The following ADCYAP1R1 variants were observed in gnomAD, a reference collection of about 807,000 sequenced individuals.
ADCYAP1R1 encodes the protein ADCYAP receptor type I, also known as pituitary adenylate cyclase-activating polypeptide type I receptor.
ADCYAP1R1 carries 44 observed loss-of-function variants against 67.6 expected under a neutral mutation model. The ratio of observed to expected loss-of-function variants is 0.65; its 90% CI spans 0.51 to 0.84. The LOEUF (loss-of-function observed/expected upper bound fraction) is 0.84. Among genes scored for constraint, ADCYAP1R1 ranks in the 40% least tolerant of loss-of-function variants. The probability of loss-of-function intolerance (pLI) is 0.00; values close to 1 mark genes in which losing one functional copy is unlikely to be tolerated. For missense variants in ADCYAP1R1, 477 were observed against 587.9 expected, an observed-to-expected ratio of 0.81 and a Z score of 1.95; for synonymous variants, 222 against 219.6, an observed-to-expected ratio of 1.01 and a Z score of -0.10.
chr7:31,070,722 C>A (rs867301726), intron 3 of ADCYAP1R1, among the ~76,000 whole-genome samples: 5 of 152,202 alleles, frequency 3.3e-5, no homozygotes, highest in Non-Finnish European at 7.4e-5. Context: ...CTTGTGTCTT[C>A]GTGAAGTCTG....
At chr7:31,061,028 C>T (rs1794479180) in intron 1 of ADCYAP1R1, among the ~76,000 whole-genome samples, 1 of 152,276 alleles carries the variant, frequency 6.6e-6, no homozygotes, top group East Asian at 1.9e-4. Flanking sequence ...ATACTGGGGT[C>T]AGAGGTTAGG....
chr7:31,086,462 T>C lies in ADCYAP1R1; in HGVS notation c.748T>C (p.Tyr250His). ...CTTCTGGCTGTTCATCGAGGGCCTGTACCTCTTCACTCTGCTGGTGGAGAC... is the reference window on the plus strand; with the variant it reads ...CTTCTGGCTGTTCATCGAGGGCCTGCACCTCTTCACTCTGCTGGTGGAGAC... ...NYFWLFIEGL[Y>H]LFTLLVETFF... Residue 250 changes from tyrosine to histidine, a missense_variant, in exon 10 of 16, where the codon TAC (tyrosine) becomes CAC (histidine). Tyr to His is a moderately conservative substitution (Grantham distance 83). Transcript: ENST00000304166. The surrounding 1 kb of genome is among the most constrained non-coding windows in gnomAD (Gnocchi z 5.0). 3.1e-6 allele frequency: 5 copies of C among 1,614,240 alleles called. No individual in the cohort carries two copies. Among genetic ancestry groups the C allele is most frequent in the Non-Finnish European group, 4.2e-6 (5 of 1,180,048 alleles).
chr7:31,088,565 A>C (rs1001282515), intron 12 of ADCYAP1R1, among the ~76,000 whole-genome samples: 3 of 152,186 alleles, frequency 2.0e-5, no homozygotes, highest in Non-Finnish European at 4.4e-5. Context: ...GTCTGAAATG[A>C]TATTCAATTT....
At chr7:31,099,291 C>T (rs1796338861) in intron 13 of ADCYAP1R1, among the ~76,000 whole-genome samples, 3 of 152,216 alleles carry the variant, frequency 2.0e-5, no homozygotes, top group Non-Finnish European at 4.4e-5. Context: ...AAGTCCAGCC[C>T]AACACTGTCC....
intron 3 of ADCYAP1R1, among the ~76,000 whole-genome samples, chr7:31,074,907 A>C (rs1336122810): frequency 6.6e-6 from 1 of 152,178 alleles, no homozygotes; most frequent in East Asian, 1.9e-4. Flanking sequence ...TCTTTCCATG[A>C]GCAGGATGCT....
At chr7:31,094,150 T>A (rs1438507317) in intron 13 of ADCYAP1R1, among the ~76,000 whole-genome samples, 1 of 152,232 alleles carries the variant, frequency 6.6e-6, no homozygotes, top group Non-Finnish European at 1.5e-5. Flanking sequence ...TTTACTGTTT[T>A]TTCTTTCATG....
At chr7:31,092,759 A>G (rs552146006) in intron 13 of ADCYAP1R1, 24 bp downstream of exon 13, 1 of 1,575,702 alleles carries the variant, frequency 6.3e-7, no homozygotes, top group African/African-American at 1.4e-5. Flanking sequence ...TGTGGCTGCC[A>G]CAGCCATTTC....
At chr7:31,087,260 GTC>G (rs1407353762) in intron 11 of ADCYAP1R1, among the ~76,000 whole-genome samples, 2 of 152,196 alleles carry the variant, frequency 1.3e-5, no homozygotes, top group Non-Finnish European at 2.9e-5. Context: ...TCAGCTGAGT[GTC>G]TGTTTTGCTT....
intron 3 of ADCYAP1R1, among the ~76,000 whole-genome samples, chr7:31,074,193 G>A (rs1795105459): frequency 6.6e-6 from 1 of 152,202 alleles, no homozygotes; most frequent in African/African-American, 2.4e-5. Context: ...GGAGGGGGCG[G>A]TGACTGTCCT....
chr7:31,083,991 G>A, intron 6 of ADCYAP1R1, 150 bp from the exon 7 acceptor site: 1 of 659,546 alleles, frequency 1.5e-6, no homozygotes, highest in Non-Finnish European at 2.7e-6. Flanking sequence ...CCTCTGATCA[G>A]CAATCACTGA....
chr7:31,082,731 GCTCCTTTGCT>G (rs1217265041), intron 6 of ADCYAP1R1, among the ~76,000 whole-genome samples: 1 of 152,224 alleles, frequency 6.6e-6, no homozygotes, highest in Non-Finnish European at 1.5e-5. Context: ...ACAGAAGTGA[GCTCCTTTGCT>G]CTCTCTGGGC....
At chr7:31,071,106 C>T (rs1394876412) in intron 3 of ADCYAP1R1, among the ~76,000 whole-genome samples, 1 of 152,182 alleles carries the variant, frequency 6.6e-6, no homozygotes, top group Admixed American at 6.5e-5. Flanking sequence ...AAAGGGAGGA[C>T]CATGGCTTTG....
Position 31,103,354 on chromosome 7 carries a change from G to A in ADCYAP1R1, c.1164G>A (p.Leu388=), listed in dbSNP as rs747427770. 1.7e-5 allele frequency: 28 copies of A among 1,614,106 alleles called. No individual in the cohort carries two copies. The highest frequency in any genetic ancestry group is 9.3e-6 in the Non-Finnish European group (11 of 1,180,042). Residue 388 remains leucine (L), a synonymous_variant, in exon 14 of 16, where the codon CTG becomes CTA. Coordinates refer to ENST00000304166, the MANE Select transcript of ADCYAP1R1 (RefSeq NM_001118.5). ...KRERLVFELG[L]GSFQGFVVAV... ...AAAGACTCGTGTTTGAGCTGGGGCTGGGCTCCTTCCAGGTAGGTGTGGCAC... is the reference window on the plus strand; with the variant it reads ...AAAGACTCGTGTTTGAGCTGGGGCTAGGCTCCTTCCAGGTAGGTGTGGCAC...
At chr7:31,096,259 T>C (rs1227061820) in intron 13 of ADCYAP1R1, among the ~76,000 whole-genome samples, 1 of 152,020 alleles carries the variant, frequency 6.6e-6, no homozygotes, top group Non-Finnish European at 1.5e-5. Flanking sequence ...GAAAACCCAT[T>C]TGTACTCCCA....
At position 31,081,759 on chromosome 7, in the gene ADCYAP1R1, G is replaced by T; in HGVS notation, c.328+5G>T. The T allele has an allele frequency of 6.3e-7, 1 of 1,596,332 alleles. No homozygotes were observed. The highest frequency in any genetic ancestry group is 8.5e-7 in the Non-Finnish European group (1 of 1,171,510). On this transcript the variant is annotated splice_donor_5th_base_variant and intron_variant, in intron 6 of 15. Transcript: ENST00000304166. ...GTAACTCCTTAGATCTCTCAGGTAA[G>T]GGGTTAGGCTGGGGTTGACCATGGA...
intron 3 of ADCYAP1R1, among the ~76,000 whole-genome samples, chr7:31,070,112 C>T (rs977000614): frequency 6.6e-6 from 1 of 152,194 alleles, no homozygotes; most frequent in African/African-American, 2.4e-5. Context: ...AGTGCCCTTT[C>T]TCCCACAGTG....
In ADCYAP1R1 at chr7:31,052,513, C is replaced by A. The variant is rs1776852572; in HGVS notation, c.-237C>A. 1 of 150,568 alleles carries A rather than the reference C, an allele frequency of 6.6e-6. No individual in the cohort carries two copies. 9.3% of individuals were successfully genotyped at this position (150,568 alleles called of 1,614,324 possible). On this transcript the variant is annotated 5_prime_UTR_variant, in exon 1 of 16. Coordinates refer to ENST00000304166, the MANE Select transcript of ADCYAP1R1 (RefSeq NM_001118.5). ...GCACACGCCGCCGCGCAGGGACACACGGACCCCGGCCGCCAGCCGGCCACA... is the reference window on the plus strand; with the variant it reads ...GCACACGCCGCCGCGCAGGGACACAAGGACCCCGGCCGCCAGCCGGCCACA...
intron 3 of ADCYAP1R1, among the ~76,000 whole-genome samples, chr7:31,073,477 G>A (rs1337642699): frequency 6.6e-6 from 1 of 152,168 alleles, no homozygotes; most frequent in African/African-American, 2.4e-5. Flanking sequence ...GTCTGTAGAA[G>A]CTGGACGTAC....
chr7:31,095,585 G>A (rs1384082609), intron 13 of ADCYAP1R1: 1 of 713,968 alleles, frequency 1.4e-6, no homozygotes, highest in Non-Finnish European at 2.6e-6. Flanking sequence ...AGTCCCCTGG[G>A]GTACCAGAGT....
Sources: allele counts gnomAD v4.1 joint callset (sites outside exome capture counted in the v4.1 genomes callset), GRCh38; gene constraint gnomAD v4.1.1; non-coding constraint Gnocchi (gnomAD v3.1); transcripts MANE v1.5; gene names NCBI Gene and HGNC (gene_info 2026-07-23, HGNC 2026-07-21).